The following GNA14 variants were observed in gnomAD, a reference collection of about 807,000 sequenced individuals.
GNA14 encodes guanine nucleotide-binding protein subunit alpha-14.
A neutral mutation model predicts 42.0 loss-of-function variants in GNA14; 50 were observed. The observed-to-expected ratio is 1.19, with a 90% CI of 0.95 to 1.51. The LOEUF (loss-of-function observed/expected upper bound fraction) is 1.51. GNA14 is among the 40% of genes most tolerant of loss of function. The pLI, the probability that GNA14 is intolerant of heterozygous loss-of-function variation, is 0.00. For synonymous variants in GNA14, 173 were observed against 163.1 expected (o/e 1.06, Z -0.46); for missense variants, 473 against 446.2 (o/e 1.06, Z -0.54).
At chr9:77,583,328 A>C (rs532616226) in intron 1 of GNA14, among the ~76,000 whole-genome samples, 23 of 152,208 alleles carry the variant, frequency 1.5e-4, no homozygotes, top group Non-Finnish European at 3.1e-4. Flanking sequence ...GCTTCAGCTA[A>C]AAAGGCAGAT....
chr9:77,525,913 A>ATT (rs1564043066), intron 2 of GNA14, among the ~76,000 whole-genome samples: 1 of 125,532 alleles, frequency 8.0e-6, no homozygotes, highest in Non-Finnish European at 1.5e-5. Flanking sequence ...TTTTTTTAAA[A>ATT]AAAAAAAAAA....
At chr9:77,446,789 G>C (rs1835825960) in intron 2 of GNA14, among the ~76,000 whole-genome samples, 1 of 152,156 alleles carries the variant, frequency 6.6e-6, no homozygotes, top group Non-Finnish European at 1.5e-5. Flanking sequence ...TTGTGGTACT[G>C]GTTGACTGTT....
chr9:77,436,791 A>G (rs1166392534), intron 2 of GNA14, among the ~76,000 whole-genome samples: 1 of 152,200 alleles, frequency 6.6e-6, no homozygotes, highest in African/African-American at 2.4e-5. Flanking sequence ...AGTGCCTTCT[A>G]TTGCAAATAA....
At chr9:77,622,731 C>CAAAAAAAAAAAAAAA (rs71503227) in intron 1 of GNA14, among the ~76,000 whole-genome samples, 5 of 122,764 alleles carry the variant, frequency 4.1e-5, no homozygotes, top group African/African-American at 9.4e-5. Context: ...ACTAAAAATA[C>CAAAAAAAAAAAAAAA]AAAAAAAAGA....
At chr9:77,618,740 T>C (rs1404779815) in intron 1 of GNA14, among the ~76,000 whole-genome samples, 2 of 137,194 alleles carry the variant, frequency 1.5e-5, no homozygotes, top group South Asian at 4.9e-4. Flanking sequence ...TTCACGCCAT[T>C]CTCCTGCCTC....
chr9:77,601,059 G>A (rs981551687), intron 1 of GNA14, among the ~76,000 whole-genome samples: 1 of 152,254 alleles, frequency 6.6e-6, no homozygotes, highest in Non-Finnish European at 1.5e-5. Context: ...GGAAGTTCGC[G>A]CCTTGTGCAG....
At chr9:77,456,536 T>C (rs1395089933) in intron 2 of GNA14, 1 of 152,222 alleles carries the variant, frequency 6.6e-6, no homozygotes, top group Non-Finnish European at 1.5e-5. Context: ...AGTAAGCATT[T>C]TCCTTGGTAA....
At chr9:77,431,939 G>C (rs1358635693) in intron 3 of GNA14, among the ~76,000 whole-genome samples, 2 of 152,112 alleles carry the variant, frequency 1.3e-5, no homozygotes, top group African/African-American at 4.8e-5. Context: ...AACAGGCCGA[G>C]GAGAAATTCA....
At chr9:77,427,992 G>A (rs1480748435) in intron 5 of GNA14, among the ~76,000 whole-genome samples, 1 of 152,032 alleles carries the variant, frequency 6.6e-6, no homozygotes, top group Non-Finnish European at 1.5e-5. Context: ...AGAATCCCTG[G>A]TGGGCTCTCA....
chr9:77,574,970 A>G (rs1823107035), intron 1 of GNA14, among the ~76,000 whole-genome samples: 1 of 152,230 alleles, frequency 6.6e-6, no homozygotes. Flanking sequence ...GTAGAAGAGT[A>G]AATCAGCCAG....
chr9:77,457,583 C>T (rs888711584), intron 2 of GNA14, among the ~76,000 whole-genome samples: 2 of 152,174 alleles, frequency 1.3e-5, no homozygotes, highest in Non-Finnish European at 2.9e-5. Flanking sequence ...ATTTCCCTTG[C>T]ACACAAGGAC....
At chr9:77,452,923 G>A (rs1327378126) in intron 2 of GNA14, among the ~76,000 whole-genome samples, 1 of 151,790 alleles carries the variant, frequency 6.6e-6, no homozygotes, top group African/African-American at 2.4e-5. Context: ...CTTGACGCCA[G>A]GAGTTCAAGA....
At chr9:77,477,244 G>T (rs190852886) in intron 2 of GNA14, among the ~76,000 whole-genome samples, 203 of 152,258 alleles carry the variant, frequency 1.3e-3, no homozygotes, top group Middle Eastern at 3.4e-3. Context: ...GTACTCAGGA[G>T]GCTGTGGTGG....
chr9:77,448,774 T>C (rs548439800), intron 2 of GNA14, among the ~76,000 whole-genome samples: 2 of 152,306 alleles, frequency 1.3e-5, no homozygotes, highest in African/African-American at 4.8e-5. Context: ...AATATTGTCT[T>C]TATGCTCAAA....
At chr9:77,569,371 A>G (rs1050120986) in intron 1 of GNA14, among the ~76,000 whole-genome samples, 39 of 152,280 alleles carry the variant, frequency 2.6e-4, no homozygotes, top group African/African-American at 8.9e-4. Flanking sequence ...GTAACTCAAG[A>G]AGGAAAATAC....
At chr9:77,556,487 G>C (rs1456902621) in intron 1 of GNA14, among the ~76,000 whole-genome samples, 1 of 152,106 alleles carries the variant, frequency 6.6e-6, no homozygotes, top group Non-Finnish European at 1.5e-5. Flanking sequence ...GTTTTAGAAA[G>C]GAATAAAATG....
intron 1 of GNA14, among the ~76,000 whole-genome samples, chr9:77,535,340 C>A (rs1266603923): frequency 6.6e-6 from 1 of 152,166 alleles, no homozygotes; most frequent in Non-Finnish European, 1.5e-5. Flanking sequence ...GTCAGGAGAT[C>A]AAGACCATCC....
rs184339677 is a variant in GNA14, at chr9:77,627,638, A to T, written c.124+20032T>A. On this transcript the variant is annotated intron_variant, in intron 1 of 6. Transcript: ENST00000341700. Reference sequence around the variant, plus strand: ...CATCACGTAAACAGAACCAACGCCCAAAAACCACGATTATCTCAATAGATG... The same window carrying T: ...CATCACGTAAACAGAACCAACGCCCTAAAACCACGATTATCTCAATAGATG... 3.7e-4 allele frequency among the ~76,000 whole-genome samples: 56 copies of T among 152,344 alleles called. 1 individual carries two copies. In the South Asian group the frequency reaches 0.011, roughly 30 times the overall value.
At chr9:77,600,136 T>C (rs117462183) in intron 1 of GNA14, among the ~76,000 whole-genome samples, 3 of 152,278 alleles carry the variant, frequency 2.0e-5, no homozygotes, top group Non-Finnish European at 2.9e-5. Context: ...ATGAATGTCC[T>C]TGTTTGAGGG....
Sources: gnomAD v4.1 joint callset for allele counts (sites outside exome capture counted in the v4.1 genomes callset) on GRCh38, gnomAD v4.1.1 for gene constraint, MANE v1.5 for transcripts, NCBI Gene and HGNC (gene_info 2026-07-23, HGNC 2026-07-21) for gene names.